The following PTPRE variants were observed in gnomAD, a reference collection of about 807,000 sequenced individuals.
PTPRE encodes receptor-type tyrosine-protein phosphatase epsilon.
In PTPRE, 51 loss-of-function variants were observed where a neutral mutation model predicts 102.0. That is an observed-to-expected ratio of 0.50 (90% CI 0.40 to 0.63). PTPRE has a LOEUF of 0.63. Ranked by LOEUF, PTPRE falls within the 30% of genes least tolerant of loss-of-function variation. The pLI is 0.00. For synonymous variants in PTPRE, 345 were observed against 348.2 expected (o/e 0.99, Z 0.10); for missense variants, 752 against 915.1 (o/e 0.82, Z 2.30).
intron 1 of PTPRE, among the ~76,000 whole-genome samples, chr10:127,961,496 A>T (rs1375712381): frequency 3.3e-5 from 5 of 152,168 alleles, no homozygotes; most frequent in African/African-American, 1.2e-4. Context: ...AGGACAGGGA[A>T]GGAGGGCCCC....
intron 20 of PTPRE, among the ~76,000 whole-genome samples, chr10:128,082,487 T>G (rs996200486): frequency 4.6e-5 from 7 of 152,000 alleles, no homozygotes; most frequent in Non-Finnish European, 8.8e-5. Flanking sequence ...AGTGCTCTTA[T>G]TACAGACGTT....
intron 1 of PTPRE, among the ~76,000 whole-genome samples, chr10:127,938,766 T>C (rs1848011004): frequency 6.6e-6 from 1 of 152,130 alleles, no homozygotes; most frequent in African/African-American, 2.4e-5. Context: ...CTACCTGGAA[T>C]TGGTTAAATA....
chr10:128,071,262 G>A (rs1850745622), intron 15 of PTPRE: 2 of 307,018 alleles, frequency 6.5e-6, no homozygotes, highest in Admixed American at 9.5e-5. Flanking sequence ...CCCAAGCCTG[G>A]GCAGAGGCCC....
chr10:127,930,061 CA>C (rs941241176), intron 1 of PTPRE, among the ~76,000 whole-genome samples: 10,607 of 72,838 alleles, frequency 0.15, 326 homozygotes, highest in African/African-American at 0.25. Context: ...GATTCCATCT[CA>C]AAAAAAAAAA....
In PTPRE at chr10:128,049,603, C is replaced by A; in HGVS notation, c.357C>A (p.His119Gln). The A allele has an allele frequency of 6.2e-7, 1 of 1,614,008 alleles. No individual in the cohort carries two copies. Among genetic ancestry groups the A allele is most frequent in the Non-Finnish European group, 8.5e-7 (1 of 1,180,032 alleles). Reference protein sequence around the residue: ...PKKYFPIPVEHLEEEIRIRSA... With the variant: ...PKKYFPIPVEQLEEEIRIRSA... ...AGTATTTTCCCATCCCCGTGGAGCA[C>A]CTGGAGGAGGAGATCCGTATCAGAT... is the stretch of plus-strand genomic sequence containing the variant. Residue 119 changes from histidine (H) to glutamine (Q), a missense_variant, in exon 6 of 21, where the codon CAC (histidine) becomes CAA (glutamine). Physicochemically the swap from His to Gln is conservative, Grantham distance 24. Around this residue, in one of 2 missense-constraint regions of PTPRE, gnomAD observed 636 missense variants for 824.4 expected, o/e 0.77. Transcript: ENST00000254667.
intron 1 of PTPRE, among the ~76,000 whole-genome samples, chr10:127,978,124 A>G (rs977063112): frequency 2.0e-4 from 30 of 152,244 alleles, no homozygotes; most frequent in Admixed American, 3.9e-4. Context: ...ATAATCCAGT[A>G]TCATTATTGC....
At chr10:127,929,665 TCAGAAGGCCTG>T (rs1232673368) in intron 1 of PTPRE, 3 of 152,320 alleles carry the variant, frequency 2.0e-5, no homozygotes, top group Non-Finnish European at 4.4e-5. Context: ...TGGGTAGAGT[TCAGAAGGCCTG>T]CAAATCTAGA....
chr10:128,085,076 C>T lies in PTPRE; in HGVS notation c.*2170C>T, dbSNP rs983153381. ...TCCCAAACTTTTTCCATTCCAGGAA[C>T]AAAGGAGAAGCCACTTTCCCCAGGA... On this transcript the variant is annotated 3_prime_UTR_variant, in exon 21 of 21. Coordinates refer to ENST00000254667, the MANE Select transcript of PTPRE (RefSeq NM_006504.6). 3 of 455,990 alleles carry T rather than the reference C, an allele frequency of 6.6e-6. No individual in the cohort carries two copies. The highest frequency in any genetic ancestry group is 8.8e-6 in the Non-Finnish European group (2 of 226,880). The allele number at this position is 455,990 out of a possible 1,614,324, so 28.2% of individuals were successfully genotyped here.
intron 6 of PTPRE, among the ~76,000 whole-genome samples, chr10:128,050,413 G>A (rs1590142778): frequency 6.7e-6 from 1 of 149,274 alleles, no homozygotes; most frequent in Non-Finnish European, 1.5e-5. Flanking sequence ...TGGGAGGGCA[G>A]ATGGATGGAT....
chr10:127,940,455 C>T (rs1161701415), intron 1 of PTPRE, among the ~76,000 whole-genome samples: 1 of 152,152 alleles, frequency 6.6e-6, no homozygotes, highest in Non-Finnish European at 1.5e-5. Context: ...CCTGCATGCA[C>T]CTCTCATTCA....
At chr10:128,067,372 GCA>G (rs1482803525) in intron 11 of PTPRE, among the ~76,000 whole-genome samples, 1 of 111,058 alleles carries the variant, frequency 9.0e-6, no homozygotes, top group East Asian at 3.5e-4. Context: ...GTGCACACAT[GCA>G]CACATTCACA....
In PTPRE at chr10:127,907,180, C is replaced by A; in HGVS notation, c.-160C>A. The A allele has an allele frequency of 1.2e-6, 1 of 846,160 alleles. No individual in the cohort carries two copies. Among genetic ancestry groups the A allele is most frequent in the Non-Finnish European group, 1.4e-6 (1 of 703,590 alleles). The allele number at this position is 846,160 out of a possible 1,614,324, so 52.4% of individuals were successfully genotyped here. A position where few individuals can be genotyped will look rare whatever the true frequency, so the allele number is the denominator to read the frequency against. On this transcript the variant is annotated 5_prime_UTR_variant, in exon 1 of 21. Coordinates refer to ENST00000254667, the MANE Select transcript of PTPRE (RefSeq NM_006504.6). The surrounding 1 kb of genome is among the most constrained non-coding windows in gnomAD (Gnocchi z 4.8). ...CGGCTTCAGGAACCCACGGCCTCTGCGCGTCCCCGCGACCCTTCTTCGCGC... is the reference window on the plus strand; with the variant it reads ...CGGCTTCAGGAACCCACGGCCTCTGAGCGTCCCCGCGACCCTTCTTCGCGC...
In PTPRE at chr10:128,085,633, CTT is replaced by C. The variant is rs555283620; in HGVS notation, c.*2732_*2733del. On this transcript the variant is annotated 3_prime_UTR_variant, in exon 21 of 21. Transcript: ENST00000254667. ...TCTTTTAAGTGTATAATTACTGATA[CTT>C]TTTTGTTTGTTTGTTTAACTAAGTT... 4.0e-3 allele frequency: 608 copies of C among 152,676 alleles called. 1 individual carries two copies. Among genetic ancestry groups the C allele is most frequent in the Non-Finnish European group, 6.3e-3 (429 of 68,044 alleles). 9.5% of individuals were successfully genotyped at this position (152,676 alleles called of 1,614,324 possible).
chr10:128,002,960 C>T (rs1564870701), intron 2 of PTPRE, among the ~76,000 whole-genome samples: 1 of 152,210 alleles, frequency 6.6e-6, no homozygotes, highest in East Asian at 1.9e-4. Flanking sequence ...TCCCAAGATG[C>T]TGGGATTACA....
chr10:127,987,463 T>A (rs752743807), intron 2 of PTPRE: 4 of 729,142 alleles, frequency 5.5e-6, no homozygotes, highest in Non-Finnish European at 7.8e-6. Context: ...TCTAATATAA[T>A]TTCTAAAGTA....
intron 1 of PTPRE, among the ~76,000 whole-genome samples, chr10:127,914,564 A>C (rs1342802718): frequency 6.6e-6 from 1 of 152,150 alleles, no homozygotes; most frequent in Admixed American, 6.5e-5. Context: ...GGGGAAGACA[A>C]AGTAAATCCT....
Position 127,945,094 on chromosome 10 carries a change from C to T in PTPRE, c.-30-37180C>T, listed in dbSNP as rs541221255. On this transcript the variant is annotated intron_variant, in intron 1 of 20. Coordinates refer to ENST00000254667, the MANE Select transcript of PTPRE (RefSeq NM_006504.6). The stretch of plus-strand genomic sequence containing the variant: ...TATAAGCCTATCTCCTTCATTGGAC[C>T]TCAGGAAAGACCCTCCAGCTTCCTC... 7.0e-4 allele frequency among the ~76,000 whole-genome samples: 106 copies of T among 152,162 alleles called. 1 individual carries two copies. The highest frequency in any genetic ancestry group is 1.2e-3 in the Non-Finnish European group (81 of 68,032).
chr10:128,045,351 C>T (rs1326682017), intron 3 of PTPRE, among the ~76,000 whole-genome samples: 6 of 152,192 alleles, frequency 3.9e-5, no homozygotes, highest in African/African-American at 1.4e-4. Context: ...GGTGCTCCCT[C>T]GTGTCTCTCT....
intron 1 of PTPRE, among the ~76,000 whole-genome samples, chr10:127,936,952 G>A (rs1320709270): frequency 1.3e-5 from 2 of 152,144 alleles, no homozygotes; most frequent in African/African-American, 2.4e-5. Flanking sequence ...AAAGACTCTT[G>A]CTGCAGTGAA....
Sources: gnomAD v4.1 joint callset for allele counts (sites outside exome capture counted in the v4.1 genomes callset) on GRCh38, gnomAD v4.1.1 for gene constraint, gnomAD v4.1.1 regional missense constraint, Gnocchi (gnomAD v3.1) non-coding constraint, MANE v1.5 for transcripts, NCBI Gene and HGNC (gene_info 2026-07-23, HGNC 2026-07-21) for gene names.